The following ITGB2 variants were observed in gnomAD, a reference collection of about 807,000 sequenced individuals.
ITGB2 encodes integrin subunit beta 2.
Under a neutral mutation model 86.8 loss-of-function variants are expected in ITGB2, and 56 were observed. The ratio of observed to expected loss-of-function variants is 0.65; its 90% CI spans 0.52 to 0.81. ITGB2 has a LOEUF of 0.81. Among genes scored for constraint, ITGB2 ranks in the 30% least tolerant of loss-of-function variants. The pLI is 0.00. For synonymous variants in ITGB2, 457 were observed against 450.4 expected, an observed-to-expected ratio of 1.01 and a Z score of -0.19; for missense variants, 948 against 1,061.2, an observed-to-expected ratio of 0.89 and a Z score of 1.48.
intron 7 of ITGB2, among the ~76,000 whole-genome samples, chr21:44,899,558 C>CT: frequency 1.0e-5 from 1 of 98,418 alleles, no homozygotes; most frequent in Non-Finnish European, 2.0e-5. Flanking sequence ...GGCCGTCCCT[C>CT]CCGTCTGTGG....
chr21:44,889,595 T>C, intron 12 of ITGB2, 100 bp from the exon 13 acceptor site: 2 of 1,095,408 alleles, frequency 1.8e-6, no homozygotes, highest in Non-Finnish European at 2.7e-6. Flanking sequence ...GCCTGCCTCC[T>C]CCAGCCTGGG....
intron 13 of ITGB2, 34 bp downstream of exon 13, chr21:44,889,242 C>T: frequency 6.2e-7 from 1 of 1,601,742 alleles, no homozygotes; most frequent in East Asian, 2.2e-5. Flanking sequence ...GAGTGGGGAT[C>T]CCTGCCCGCC....
intron 1 of ITGB2, chr21:44,928,470 A>C (rs2084403607): frequency 6.6e-6 from 1 of 152,390 alleles, no homozygotes; most frequent in South Asian, 2.1e-4. Context: ...AGCAGCTCGA[A>C]TGTGGTGGGG....
intron 14 of ITGB2, among the ~76,000 whole-genome samples, chr21:44,887,301 T>G (rs1375674721): frequency 6.6e-6 from 1 of 152,058 alleles, no homozygotes; most frequent in Non-Finnish European, 1.5e-5. Context: ...GTGAAAGTGA[T>G]TTGTGGTCGT....
chr21:44,888,726 C>T lies in ITGB2; in HGVS notation c.2047G>A (p.Asp683Asn), dbSNP rs2083735350. 6.2e-7 allele frequency: 1 copy of T among 1,610,766 alleles called. No individual in the cohort carries two copies. The highest frequency in any genetic ancestry group is 8.5e-7 in the Non-Finnish European group (1 of 1,179,952). ...TCATCCACATAGATGAGGTAGCGGT[C>T]CATCCCGTCCTGCTGCTCCAGCGTG... is the stretch of plus-strand genomic sequence containing the variant. ...AYTLEQQDGMDRYLIYVDESR... is the reference protein window; with the variant it reads ...AYTLEQQDGMNRYLIYVDESR... The change falls in exon 14 of 16, where the codon GAC (aspartate) becomes AAC (asparagine). Residue 683 changes from aspartate to asparagine, a missense_variant. Transcript: ENST00000652462.
At chr21:44,928,415 G>C (rs772727796) in intron 1 of ITGB2, 7 of 152,294 alleles carry the variant, frequency 4.6e-5, no homozygotes, top group African/African-American at 1.7e-4. Context: ...AGCAGTGAAC[G>C]ACAATTGCAT....
At chr21:44,895,507 G>T (rs1273034528) in intron 8 of ITGB2, among the ~76,000 whole-genome samples, 1 of 152,092 alleles carries the variant, frequency 6.6e-6, no homozygotes, top group African/African-American at 2.4e-5. Context: ...TCCAGCCTGG[G>T]CGACAGAGCA....
At chr21:44,902,341 TC>T (rs1266111144) in intron 5 of ITGB2, among the ~76,000 whole-genome samples, 1 of 152,192 alleles carries the variant, frequency 6.6e-6, no homozygotes, top group African/African-American at 2.4e-5. Context: ...GAGCATGCAT[TC>T]ATGTGTGTGA....
At chr21:44,919,147 GC>G (rs1188700650) in intron 1 of ITGB2, among the ~76,000 whole-genome samples, 1 of 152,118 alleles carries the variant, frequency 6.6e-6, no homozygotes, top group East Asian at 1.9e-4. Flanking sequence ...GAGGGCCACA[GC>G]CCCCCCGGGG....
intron 1 of ITGB2, among the ~76,000 whole-genome samples, chr21:44,926,059 C>A (rs559473874): frequency 6.6e-6 from 1 of 152,154 alleles, no homozygotes; most frequent in Non-Finnish European, 1.5e-5. Context: ...GAGCCAAGAT[C>A]GTGCCACTGC....
chr21:44,904,032 CGTGCGGTTGT>C, intron 4 of ITGB2, among the ~76,000 whole-genome samples: 1 of 152,194 alleles, frequency 6.6e-6, no homozygotes, highest in Non-Finnish European at 1.5e-5. Flanking sequence ...CTCAGTCACA[CGTGCGGTTGT>C]GTAGCTGTCT....
chr21:44,906,233 C>T (rs939955542), intron 4 of ITGB2, among the ~76,000 whole-genome samples: 4 of 147,554 alleles, frequency 2.7e-5, no homozygotes, highest in African/African-American at 7.5e-5. Flanking sequence ...CTCGCCCTGT[C>T]GCCCAGGCTA....
intron 4 of ITGB2, among the ~76,000 whole-genome samples, chr21:44,904,680 G>A (rs923645765): frequency 4.7e-5 from 7 of 148,660 alleles, no homozygotes; most frequent in Admixed American, 2.0e-4. Context: ...ATGCACTCAC[G>A]CACATACACC....
Position 44,893,436 on chromosome 21 carries a change from C to G in ITGB2, c.1192G>C (p.Gly398Arg). The change falls in exon 10 of 16, where the codon GGT (glycine) becomes CGT (arginine). Residue 398 changes from glycine (G) to arginine (R), a missense_variant. By Grantham distance (125) the Gly-to-Arg change is moderately radical. Coordinates refer to ENST00000652462, the MANE Select transcript of ITGB2 (RefSeq NM_000211.5). The part of the protein sequence containing the change: ...NGVTHRNQPR[G>R]DCDGVQINVP... ...TTGATCTGCACGCCATCACAGTCACCTCTGGGCTGGTTCCTGTGCGTCACT... is the reference window on the plus strand; with the variant it reads ...TTGATCTGCACGCCATCACAGTCACGTCTGGGCTGGTTCCTGTGCGTCACT... 1 of 1,614,156 alleles carries G rather than the reference C, an allele frequency of 6.2e-7. No homozygotes were observed. The highest frequency in any genetic ancestry group is 8.5e-7 in the Non-Finnish European group (1 of 1,180,020).
chr21:44,903,617 G>A (rs1601310704), intron 4 of ITGB2, 82 bp from the exon 5 acceptor site: 1 of 1,530,434 alleles, frequency 6.5e-7, no homozygotes, highest in Non-Finnish European at 8.9e-7. Context: ...CGAGCGGGCT[G>A]TGCACTGGCA....
rs1460164455 is a variant in ITGB2 at position 44,890,211 on chromosome 21, C to T, written c.1424G>A (p.Gly475Asp). Residue 475 changes from glycine to aspartate, a missense_variant, in exon 12 of 16, where the codon GGC becomes GAC. Gly to Asp is a moderately conservative substitution (Grantham distance 94, BLOSUM62 -1). Transcript: ENST00000652462. The stretch of plus-strand genomic sequence containing the variant: ...GCACTCACAGTTTTTCCCAATGTAG[C>T]CAGTGTCACACCTGGGGACAGGAGG... ...LECGICRCDTGYIGKNCECQT... is the reference protein window; with the variant it reads ...LECGICRCDTDYIGKNCECQT... 1.2e-5 allele frequency: 19 copies of T among 1,613,114 alleles called. No individual in the cohort carries two copies. Among genetic ancestry groups the T allele is most frequent in the Non-Finnish European group, 1.4e-5 (17 of 1,180,008 alleles).
intron 1 of ITGB2, among the ~76,000 whole-genome samples, chr21:44,912,298 G>A (rs1414672819): frequency 2.0e-5 from 3 of 151,990 alleles, no homozygotes; most frequent in East Asian, 2.0e-4. Context: ...CGGGAGGCTC[G>A]GGTGCCCTCA....
intron 2 of ITGB2, 136 bp downstream of exon 2, chr21:44,910,589 C>T (rs770441978): frequency 1.7e-5 from 23 of 1,363,022 alleles, no homozygotes; most frequent in Non-Finnish European, 1.6e-5. Flanking sequence ...AGGCCTGAGT[C>T]CCCGACCTAC....
chr21:44,893,424 C>T lies in ITGB2; in HGVS notation c.1204G>A (p.Gly402Ser). The T allele has an allele frequency of 6.2e-7, 1 of 1,614,108 alleles. No individual in the cohort carries two copies. The highest frequency in any genetic ancestry group is 8.5e-7 in the Non-Finnish European group (1 of 1,179,996). ...CTCACCGGGACATTGATCTGCACGC[C>T]ATCACAGTCACCTCTGGGCTGGTTC... ...HRNQPRGDCD[G>S]VQINVPITFQ... Residue 402 changes from glycine to serine, a missense_variant, in exon 10 of 16, where the codon GGC becomes AGC. Coordinates refer to ENST00000652462, the MANE Select transcript of ITGB2 (RefSeq NM_000211.5).
Sources: gnomAD v4.1 joint callset for allele counts (sites outside exome capture counted in the v4.1 genomes callset) on GRCh38, gnomAD v4.1.1 for gene constraint, MANE v1.5 for transcripts, NCBI Gene and HGNC (gene_info 2026-07-23, HGNC 2026-07-21) for gene names.